The following PRDM10 variants were observed in gnomAD, a reference collection of about 807,000 sequenced individuals.
PRDM10 encodes PR/SET domain 10.
PRDM10 carries 65 observed loss-of-function variants against 133.1 expected under a neutral mutation model. The ratio of observed to expected loss-of-function variants is 0.49; its 90% CI spans 0.40 to 0.60. PRDM10 has a LOEUF of 0.60. Ranked by LOEUF, PRDM10 falls within the 20% of genes least tolerant of loss-of-function variation. The pLI, the probability that PRDM10 is intolerant of heterozygous loss-of-function variation, is 0.00. For synonymous variants in PRDM10, 582 were observed against 580.4 expected (o/e 1.00, Z -0.04); for missense variants, 1,137 against 1,507.1 (o/e 0.75, Z 4.07).
chr11:129,937,638 C>G lies in PRDM10; in HGVS notation c.999G>C (p.Val333=). The G allele has an allele frequency of 6.2e-7, 1 of 1,613,744 alleles. No individual in the cohort carries two copies. Among genetic ancestry groups the G allele is most frequent in the Non-Finnish European group, 8.5e-7 (1 of 1,179,972 alleles). ...CAGAAATGTCATGAATTTTCTGGTT[C>G]ACGAACTCAGCATAGGATGCGGCAT... is the stretch of plus-strand genomic sequence containing the variant. The part of the protein sequence containing the change: ...VWYAASYAEF[V]NQKIHDISEE... Residue 333 remains valine, a synonymous_variant, in exon 8 of 21, where the codon GTG becomes GTC. Transcript: ENST00000360871.
At chr11:129,921,759 A>G (rs1007325748) in intron 13 of PRDM10, among the ~76,000 whole-genome samples, 1 of 152,154 alleles carries the variant, frequency 6.6e-6, no homozygotes, top group Non-Finnish European at 1.5e-5. Context: ...GAAGGTGGAA[A>G]GGAAGCAGCT....
chr11:129,923,202 TC>T lies in PRDM10; in HGVS notation c.2034+45del. 1 of 1,513,524 alleles carries T rather than the reference TC, an allele frequency of 6.6e-7. No homozygotes were observed. The highest frequency in any genetic ancestry group is 8.9e-7 in the Non-Finnish European group (1 of 1,127,116). The allele number at this position is 1,513,524 out of a possible 1,614,324, so 93.8% of individuals were successfully genotyped here. ...GCATTTACCCTCAGCTTGCTATAAT[TC>T]CAGTGGCCACGAGAACCACCTTGGG... is the stretch of plus-strand genomic sequence containing the variant. On this transcript the variant is annotated intron_variant, in intron 13 of 20. Transcript: ENST00000360871. This position sits in a 1 kb window ranked among gnomAD's most constrained non-coding sequence, Gnocchi z 4.4.
intron 1 of PRDM10, among the ~76,000 whole-genome samples, chr11:129,970,722 T>C (rs1005728818): frequency 3.9e-5 from 6 of 152,038 alleles, no homozygotes; most frequent in Admixed American, 2.6e-4. Flanking sequence ...CTTTTTGTAT[T>C]TTTAGTAGAG....
At position 129,942,459 on chromosome 11, in the gene PRDM10, G is replaced by A. The variant is rs1951243219; in HGVS notation, c.933C>T (p.Thr311=). ...CCTGCTTGGGCTCCACATTTTTTAT[G>A]GTTGTATAATACACATGGTGGCCAT... ...YQYGHHVYYT[T]IKNVEPKQEL... Residue 311 remains threonine (T), a synonymous_variant, in exon 7 of 21, where the codon ACC becomes ACT. Coordinates refer to ENST00000360871, the MANE Select transcript of PRDM10 (RefSeq NM_199437.2). 1 of 1,613,934 alleles carries A rather than the reference G, an allele frequency of 6.2e-7. No homozygotes were observed. The highest frequency in any genetic ancestry group is 1.3e-5 in the African/African-American group (1 of 74,876).
intron 11 of PRDM10, among the ~76,000 whole-genome samples, chr11:129,928,529 A>G (rs1375387515): frequency 2.0e-5 from 3 of 152,028 alleles, no homozygotes; most frequent in East Asian, 1.9e-4. Context: ...AGCTGAGACT[A>G]CAGGTGCCTG....
chr11:129,960,446 G>A (rs1951774988), intron 2 of PRDM10, among the ~76,000 whole-genome samples: 1 of 152,102 alleles, frequency 6.6e-6, no homozygotes. Flanking sequence ...CCTCTAAAGT[G>A]GCTGACTCAT....
chr11:129,917,289 A>G (rs1950387990), intron 14 of PRDM10, 52 bp from the exon 15 acceptor site: 1 of 1,369,734 alleles, frequency 7.3e-7, no homozygotes, highest in Non-Finnish European at 1.0e-6. Context: ...TTAACCAAAC[A>G]GAAGCTACAC....
intron 1 of PRDM10, among the ~76,000 whole-genome samples, chr11:129,997,596 G>T (rs1165877561): frequency 6.7e-6 from 1 of 149,292 alleles, no homozygotes; most frequent in African/African-American, 2.6e-5. Flanking sequence ...AGAAAAAAAT[G>T]TAAGTTCAAT....
At position 129,900,543 on chromosome 11, in the gene PRDM10, A is replaced by G. The variant is rs1949817342; in HGVS notation, c.*1770T>C. 1 of 152,640 alleles carries G rather than the reference A, an allele frequency of 6.6e-6. No individual in the cohort carries two copies. Among genetic ancestry groups the G allele is most frequent in the African/African-American group, 2.4e-5 (1 of 41,454 alleles). The allele number at this position is 152,640 out of a possible 1,614,324, so 9.5% of individuals were successfully genotyped here. On this transcript the variant is annotated 3_prime_UTR_variant, in exon 21 of 21. Transcript: ENST00000360871. ...GGAGATACCTTATGGTTCAAATTAA[A>G]AAGAACGTAACAGGGCCAAATTTAA...
intron 1 of PRDM10, among the ~76,000 whole-genome samples, chr11:129,971,895 C>T (rs1031550322): frequency 6.6e-6 from 1 of 152,190 alleles, no homozygotes; most frequent in African/African-American, 2.4e-5. Context: ...CGGCGCTCGT[C>T]GGGGAGGCTT....
At chr11:129,922,821 G>A (rs1208415924) in intron 13 of PRDM10, among the ~76,000 whole-genome samples, 1 of 152,144 alleles carries the variant, frequency 6.6e-6, no homozygotes, top group Non-Finnish European at 1.5e-5. Flanking sequence ...AGCCTTCTCA[G>A]CATTCTTCAG....
chr11:129,908,643 A>C (rs1225973727), intron 19 of PRDM10, among the ~76,000 whole-genome samples: 4 of 152,130 alleles, frequency 2.6e-5, no homozygotes, highest in Non-Finnish European at 5.9e-5. Context: ...ATGGTTCGTT[A>C]CACTCCTCTC....
At chr11:129,996,693 G>A (rs181528701) in intron 1 of PRDM10, among the ~76,000 whole-genome samples, 8 of 152,336 alleles carry the variant, frequency 5.3e-5, no homozygotes, top group South Asian at 4.1e-4. Flanking sequence ...CTTGGGAAAC[G>A]AAGGTGTGAC....
At position 129,919,762 on chromosome 11, in the gene PRDM10, T is replaced by C. The variant is rs113744592; in HGVS notation, c.2035-1044A>G. 3.2e-4 allele frequency among the ~76,000 whole-genome samples: 49 copies of C among 152,318 alleles called. 1 individual carries two copies. The highest frequency in any genetic ancestry group is 1.0e-3 in the African/African-American group (43 of 41,566). ...TTCCCACCTTTCAGCACAGGGACTT[T>C]TTTAAGGACTTCATTTTTCAGCACA... On this transcript the variant is annotated intron_variant, in intron 13 of 20. Coordinates refer to ENST00000360871, the MANE Select transcript of PRDM10 (RefSeq NM_199437.2).
intron 10 of PRDM10, among the ~76,000 whole-genome samples, chr11:129,931,607 C>G (rs1337582706): frequency 1.4e-5 from 2 of 146,434 alleles, no homozygotes; most frequent in Admixed American, 6.9e-5. Flanking sequence ...CTCGCTCTGT[C>G]CCCAGGCTGG....
chr11:129,937,821 G>A (rs1023632240), intron 7 of PRDM10, 151 bp from the exon 8 acceptor site: 7 of 604,778 alleles, frequency 1.2e-5, no homozygotes, highest in Non-Finnish European at 1.9e-5. Context: ...AGCTCCCCTT[G>A]CAATACCTTT....
At position 129,902,370 on chromosome 11, in the gene PRDM10, G is replaced by T. The variant is rs760551169; in HGVS notation, c.3414C>A (p.Ile1138=). The part of the protein sequence containing the change: ...TNSQQQTTQY[I]ITTTTNGNGS... ...CGTTCCCGTTGGTGGTGGTGGTGATGATGTACTGTGTGGTCTGCTGTTGGC... is the reference window on the plus strand; with the variant it reads ...CGTTCCCGTTGGTGGTGGTGGTGATTATGTACTGTGTGGTCTGCTGTTGGC... Residue 1138 remains isoleucine, a synonymous_variant, in exon 21 of 21, where the codon ATC becomes ATA. Transcript: ENST00000360871. The T allele has an allele frequency of 6.2e-7, 1 of 1,614,156 alleles. No homozygotes were observed. Among genetic ancestry groups the T allele is most frequent in the Non-Finnish European group, 8.5e-7 (1 of 1,179,972 alleles).
At chr11:129,940,986 GT>G (rs1351875677) in intron 7 of PRDM10, among the ~76,000 whole-genome samples, 2 of 151,872 alleles carry the variant, frequency 1.3e-5, no homozygotes, top group Non-Finnish European at 2.9e-5. Flanking sequence ...ATTCACCTCA[GT>G]TTTTTTTCTA....
intron 1 of PRDM10, among the ~76,000 whole-genome samples, chr11:129,964,760 T>A (rs1348853869): frequency 6.6e-6 from 1 of 152,240 alleles, no homozygotes; most frequent in African/African-American, 2.4e-5. Context: ...TGCTTTACAA[T>A]GTATCTTGCA....
Sources: gnomAD v4.1 joint callset for allele counts (sites outside exome capture counted in the v4.1 genomes callset) on GRCh38, gnomAD v4.1.1 for gene constraint, Gnocchi (gnomAD v3.1) non-coding constraint, MANE v1.5 for transcripts, NCBI Gene and HGNC (gene_info 2026-07-23, HGNC 2026-07-21) for gene names.